Variants in LRRC53 observed in about 807,000 individuals in gnomAD.
LRRC53 encodes the protein leucine-rich repeat-containing protein 53.
A neutral mutation model predicts 13.6 loss-of-function variants in LRRC53; 25 were observed. The observed-to-expected ratio is 1.83, with a 90% CI of 1.34 to 2.56. LRRC53 has a LOEUF of 2.56. LRRC53 is among the 30% of genes most tolerant of loss of function. The pLI is 0.00. For synonymous variants in LRRC53, 204 were observed against 109.8 expected, an observed-to-expected ratio of 1.86 and a Z score of -5.37; for missense variants, 527 against 275.8, an observed-to-expected ratio of 1.91 and a Z score of -6.45.
At chr1:74,532,248 G>A in the LRRC53 span, among the ~76,000 whole-genome samples, 1 of 152,128 alleles carries the variant, frequency 6.6e-6, no homozygotes, top group South Asian at 2.1e-4. Context: ...GTTGGATAAA[G>A]GAAAGTATCA....
At chr1:74,482,951 T>C (rs1668577918) in intron 2 of LRRC53, among the ~76,000 whole-genome samples, 1 of 152,228 alleles carries the variant, frequency 6.6e-6, no homozygotes, top group South Asian at 2.1e-4. Flanking sequence ...AGAGTTCAAA[T>C]CTGCACAAAG....
intron 1 of LRRC53, among the ~76,000 whole-genome samples, chr1:74,486,317 C>T (rs1386656098): frequency 1.3e-5 from 2 of 151,680 alleles, no homozygotes; most frequent in Non-Finnish European, 2.9e-5. Context: ...CCAGTGCCTT[C>T]AGGTAGCTGT....
chr1:74,503,616 G>A (rs560752448), intron 1 of LRRC53, among the ~76,000 whole-genome samples: 26 of 152,152 alleles, frequency 1.7e-4, no homozygotes, highest in African/African-American at 5.8e-4. Flanking sequence ...TCTCTGAGAC[G>A]TAAAATTTTT....
chr1:74,482,958 A>G (rs1318588898), intron 2 of LRRC53, among the ~76,000 whole-genome samples: 2 of 152,232 alleles, frequency 1.3e-5, no homozygotes, highest in Non-Finnish European at 2.9e-5. Context: ...AAATCTGCAC[A>G]AAGTATGTAC....
the LRRC53 span, among the ~76,000 whole-genome samples, chr1:74,521,184 A>G: frequency 6.6e-6 from 1 of 152,158 alleles, no homozygotes; most frequent in Non-Finnish European, 1.5e-5. Flanking sequence ...TATTGTAGTT[A>G]TAAGGAGCAT....
chr1:74,534,591 C>T, the LRRC53 span, among the ~76,000 whole-genome samples: 3 of 152,204 alleles, frequency 2.0e-5, no homozygotes, highest in Non-Finnish European at 4.4e-5. Flanking sequence ...GCACCAGAAT[C>T]TCCCAGTCTC....
chr1:74,522,022 C>T, the LRRC53 span, among the ~76,000 whole-genome samples: 1 of 152,170 alleles, frequency 6.6e-6, no homozygotes, highest in African/African-American at 2.4e-5. Flanking sequence ...GATATATCAA[C>T]ATCCCTTCCA....
the LRRC53 span, among the ~76,000 whole-genome samples, chr1:74,535,560 T>C: frequency 6.6e-6 from 1 of 152,160 alleles, no homozygotes; most frequent in Non-Finnish European, 1.5e-5. Context: ...CCAGGTAGGT[T>C]CCTGGATCCC....
At position 74,480,785 on chromosome 1, in the gene LRRC53, T is replaced by C. The variant is rs1186827615; in HGVS notation, c.272A>G (p.Asn91Ser). The change falls in exon 3 of 5, where the codon AAC becomes AGC. Residue 91 changes from asparagine (N) to serine (S), a missense_variant. Transcript: ENST00000294635. Reference sequence around the variant, plus strand: ...AGTGAGCGAAGAGCTGGATATTTGGTTGTGCTCCAGCAACAAGGTCCGCAA... The same window carrying C: ...AGTGAGCGAAGAGCTGGATATTTGGCTGTGCTCCAGCAACAAGGTCCGCAA... The part of the protein sequence containing the change: ...TMLRTLLLEH[N>S]QISSSSLTDH... 1.4e-6 allele frequency: 1 copy of C among 717,522 alleles called. No homozygotes were observed. The highest frequency in any genetic ancestry group is 1.5e-5 in the South Asian group (1 of 67,594). The allele number at this position is 717,522 out of a possible 1,614,324, so 44.4% of individuals were successfully genotyped here. A position where few individuals can be genotyped will look rare whatever the true frequency, so the allele number is the denominator to read the frequency against.
the LRRC53 span, among the ~76,000 whole-genome samples, chr1:74,531,929 T>C: frequency 1.3e-5 from 2 of 152,208 alleles, no homozygotes; most frequent in African/African-American, 2.4e-5. Flanking sequence ...TGTTGCCTTA[T>C]TAAAAATCCA....
chr1:74,480,933 C>G lies in LRRC53; in HGVS notation c.124G>C (p.Asp42His). The G allele has an allele frequency of 4.2e-6, 3 of 716,898 alleles. No homozygotes were observed. In the East Asian group the frequency reaches 8.1e-5, roughly 19 times the overall value. 44.4% of individuals were successfully genotyped at this position (716,898 alleles called of 1,614,324 possible). Residue 42 changes from aspartate to histidine, a missense_variant, in exon 3 of 5, where the codon GAT becomes CAT. Asp to His is a moderately conservative substitution (Grantham distance 81). Coordinates refer to ENST00000294635, the MANE Select transcript of LRRC53 (RefSeq NM_001382280.1). ...PMTTRVLIIT[D>H]GYLSSIESTN... ...CTCTCAATAGAGGAGAGATATCCAT[C>G]GGTGATGATTAAAACCCTCGTGGTC...
At chr1:74,506,123 C>G (rs1011470733) in intron 1 of LRRC53, among the ~76,000 whole-genome samples, 3 of 152,092 alleles carry the variant, frequency 2.0e-5, no homozygotes, top group African/African-American at 7.2e-5. Context: ...TTGCCATGTG[C>G]ACTGATGGCA....
At chr1:74,484,478 G>A (rs776400230) in intron 1 of LRRC53, among the ~76,000 whole-genome samples, 1 of 152,138 alleles carries the variant, frequency 6.6e-6, no homozygotes, top group African/African-American at 2.4e-5. Flanking sequence ...TATGTATTAA[G>A]TCATATGGTG....
intron 1 of LRRC53, among the ~76,000 whole-genome samples, chr1:74,487,152 T>C (rs1668808923): frequency 6.6e-6 from 1 of 152,128 alleles, no homozygotes; most frequent in African/African-American, 2.4e-5. Flanking sequence ...TAGGAGAATG[T>C]ATAGTATGTC....
At chr1:74,501,842 G>A (rs567499518) in intron 1 of LRRC53, among the ~76,000 whole-genome samples, 1 of 152,114 alleles carries the variant, frequency 6.6e-6, no homozygotes, top group East Asian at 1.9e-4. Flanking sequence ...AAACTAGCTT[G>A]TATGTGGGCT....
chr1:74,498,034 C>T (rs1669422577), intron 1 of LRRC53, among the ~76,000 whole-genome samples: 1 of 152,094 alleles, frequency 6.6e-6, no homozygotes, highest in African/African-American at 2.4e-5. Context: ...TAAAGAGATG[C>T]TATTACCATT....
chr1:74,504,080 A>G (rs1669769896), intron 1 of LRRC53, among the ~76,000 whole-genome samples: 1 of 152,220 alleles, frequency 6.6e-6, no homozygotes, highest in Non-Finnish European at 1.5e-5. Flanking sequence ...CCCAGACAGC[A>G]CTATAGTGAA....
the LRRC53 span, among the ~76,000 whole-genome samples, chr1:74,534,283 C>G: frequency 6.6e-6 from 1 of 152,030 alleles, no homozygotes; most frequent in Non-Finnish European, 1.5e-5. Flanking sequence ...TCAAAGTTCC[C>G]AAGTTTGCAA....
chr1:74,519,972 T>A, the LRRC53 span, among the ~76,000 whole-genome samples: 1 of 152,320 alleles, frequency 6.6e-6, no homozygotes, highest in Non-Finnish European at 1.5e-5. Flanking sequence ...CCATTTTCTC[T>A]GTGGGATCTT....
Sources: allele counts gnomAD v4.1 joint callset (sites outside exome capture counted in the v4.1 genomes callset), GRCh38; gene constraint gnomAD v4.1.1; transcripts MANE v1.5; gene names NCBI Gene and HGNC (gene_info 2026-07-23, HGNC 2026-07-21).